COL11A1: variants seen among roughly 807,000 people sequenced by gnomAD.
COL11A1 encodes collagen type XI alpha 1 chain.
COL11A1 carries 74 observed loss-of-function variants against 265.2 expected under a neutral mutation model. The ratio of observed to expected loss-of-function variants is 0.28; its 90% CI spans 0.23 to 0.34. The LOEUF (loss-of-function observed/expected upper bound fraction) is 0.34. COL11A1 is among the 10% of genes least tolerant of loss of function. The pLI is 1.00. For missense variants in COL11A1, 2,165 were observed against 2,263.6 expected (o/e 0.96, Z 0.88); for synonymous variants, 816 against 727.6 (o/e 1.12, Z -1.96).
chr1:102,942,212 T>C (rs1297628067), intron 42 of COL11A1, among the ~76,000 whole-genome samples: 2 of 152,150 alleles, frequency 1.3e-5, no homozygotes, highest in Non-Finnish European at 2.9e-5. Flanking sequence ...TTCAGATAGT[T>C]CCCCTTAATT....
At chr1:103,003,299 TAAA>T (rs370445089) in intron 20 of COL11A1, 31 bp from the exon 21 acceptor site, 62 of 1,399,028 alleles carry the variant, frequency 4.4e-5, no homozygotes, top group Non-Finnish European at 5.8e-5. Flanking sequence ...ACGCCTTTAT[TAAA>T]AAAAAAAAAT....
chr1:103,008,034 C>G (rs1220135082), intron 15 of COL11A1, among the ~76,000 whole-genome samples: 1 of 151,978 alleles, frequency 6.6e-6, no homozygotes, highest in Non-Finnish European at 1.5e-5. Context: ...ACACATTTCT[C>G]TTTTTGGATT....
Position 103,057,591 on chromosome 1 carries a change from A to G in COL11A1, c.651+17027T>C, listed in dbSNP as rs1571174960. Among the ~76,000 whole-genome samples, 2 of 152,330 alleles carry G rather than the reference A, an allele frequency of 1.3e-5. 1 individual carries two copies. The highest frequency in any genetic ancestry group is 2.9e-5 in the Non-Finnish European group (2 of 68,012). On this transcript the variant is annotated intron_variant, in intron 4 of 66. Coordinates refer to ENST00000370096, the MANE Select transcript of COL11A1 (RefSeq NM_001854.4). Reference sequence around the variant, plus strand: ...TATGAAAAGTATTTCTTAAATAGGAAGGCTTGAAAGTTGAAATTACTATTG... The same window carrying G: ...TATGAAAAGTATTTCTTAAATAGGAGGGCTTGAAAGTTGAAATTACTATTG...
At chr1:103,034,663 T>C (rs185135170) in intron 4 of COL11A1, among the ~76,000 whole-genome samples, 4 of 152,270 alleles carry the variant, frequency 2.6e-5, no homozygotes, top group Non-Finnish European at 4.4e-5. Flanking sequence ...TTTAATGTCT[T>C]TGTTGGGGAA....
rs1557932437 is a variant in COL11A1, at chr1:103,004,432, T to C, written c.1944+12A>G. 1.9e-6 allele frequency: 3 copies of C among 1,602,082 alleles called. No homozygotes were observed. The highest frequency in any genetic ancestry group is 1.1e-5 in the South Asian group (1 of 90,480). On this transcript the variant is annotated intron_variant, in intron 20 of 66. Transcript: ENST00000370096. ...AGAAATATTACTTAAAAATAAAAAGTAAGTTGCTTACAGCTTCACCTGGAA... is the reference window on the plus strand; with the variant it reads ...AGAAATATTACTTAAAAATAAAAAGCAAGTTGCTTACAGCTTCACCTGGAA...
At chr1:103,021,509 C>A (rs1667074093) in intron 9 of COL11A1, among the ~76,000 whole-genome samples, 198 bp downstream of exon 9, 1 of 152,120 alleles carries the variant, frequency 6.6e-6, no homozygotes, top group Non-Finnish European at 1.5e-5. Context: ...TGAATTTCTG[C>A]AGCTCTATAA....
intron 50 of COL11A1, 40 bp from the exon 51 acceptor site, chr1:102,914,851 G>A: frequency 1.4e-6 from 2 of 1,475,112 alleles, no homozygotes; most frequent in Non-Finnish European, 9.4e-7. Context: ...AAGAAGGAAA[G>A]AAGAGTTATC....
chr1:103,066,555 CA>C (rs35403453), intron 4 of COL11A1, among the ~76,000 whole-genome samples: 1,356 of 106,132 alleles, frequency 0.013, 17 homozygotes, highest in African/African-American at 0.036. Flanking sequence ...CCCTCAGCAC[CA>C]AAAAAAAAAA....
chr1:102,975,265 TAAA>T (rs35123438), intron 35 of COL11A1, among the ~76,000 whole-genome samples: 57 of 136,308 alleles, frequency 4.2e-4, no homozygotes, highest in African/African-American at 1.3e-3. Flanking sequence ...CAGCCCCGCT[TAAA>T]AAAAAAAAAA....
At chr1:102,979,320 C>T in intron 32 of COL11A1, 62 bp downstream of exon 32, 1 of 1,362,850 alleles carries the variant, frequency 7.3e-7, no homozygotes, top group East Asian at 2.3e-5. Flanking sequence ...TACAGGCACA[C>T]ACCACTATGT....
chr1:103,026,050 A>G (rs1031756201), intron 6 of COL11A1, 166 bp downstream of exon 6: 3 of 1,314,474 alleles, frequency 2.3e-6, no homozygotes, highest in African/African-American at 2.9e-5. Context: ...AGTGAAATGG[A>G]CATCATTCTT....
At chr1:103,096,394 A>G (rs1278620625) in intron 1 of COL11A1, among the ~76,000 whole-genome samples, 1 of 151,970 alleles carries the variant, frequency 6.6e-6, no homozygotes, top group Non-Finnish European at 1.5e-5. Flanking sequence ...TTAGTTCAAG[A>G]TTTGTAGCTG....
intron 25 of COL11A1, 125 bp downstream of exon 25, chr1:102,998,185 A>G: frequency 1.2e-6 from 1 of 808,286 alleles, no homozygotes; most frequent in Non-Finnish European, 2.1e-6. Context: ...AGAGAGATCA[A>G]TGTTTAATTA....
At chr1:103,045,456 A>G (rs1571138620) in intron 4 of COL11A1, among the ~76,000 whole-genome samples, 1 of 152,148 alleles carries the variant, frequency 6.6e-6, no homozygotes, top group Admixed American at 6.6e-5. Context: ...TTATAATAAT[A>G]GACAATACTT....
chr1:103,076,194 CT>C (rs933822298), intron 3 of COL11A1, among the ~76,000 whole-genome samples: 2 of 152,098 alleles, frequency 1.3e-5, no homozygotes, highest in Non-Finnish European at 2.9e-5. Context: ...TAATTATTCT[CT>C]TTTTCTCATA....
chr1:102,944,818 C>T (rs1446142008), intron 42 of COL11A1, among the ~76,000 whole-genome samples: 1 of 152,080 alleles, frequency 6.6e-6, no homozygotes, highest in East Asian at 1.9e-4. Flanking sequence ...TCTATTTTCT[C>T]TGTATGCATT....
intron 30 of COL11A1, among the ~76,000 whole-genome samples, chr1:102,985,494 T>G (rs912651394): frequency 6.6e-6 from 1 of 152,128 alleles, no homozygotes; most frequent in Non-Finnish European, 1.5e-5. Context: ...TTTTACACCA[T>G]CAATTTCAGG....
At chr1:103,013,545 T>C (rs1462801426) in intron 13 of COL11A1, among the ~76,000 whole-genome samples, 2 of 151,960 alleles carry the variant, frequency 1.3e-5, no homozygotes, top group Non-Finnish European at 2.9e-5. Context: ...AATAAACAAA[T>C]ATTTTAATTT....
intron 4 of COL11A1, among the ~76,000 whole-genome samples, chr1:103,046,145 G>T (rs1207020585): frequency 1.3e-5 from 2 of 151,236 alleles, no homozygotes; most frequent in Non-Finnish European, 2.9e-5. Flanking sequence ...CTAATGGGAT[G>T]ACTGGGTCAA....
Sources: allele counts gnomAD v4.1 joint callset (sites outside exome capture counted in the v4.1 genomes callset), GRCh38; gene constraint gnomAD v4.1.1; transcripts MANE v1.5; gene names NCBI Gene and HGNC (gene_info 2026-07-23, HGNC 2026-07-21).